Variants in MAGI2 observed in about 807,000 individuals in gnomAD.
MAGI2 encodes the protein membrane-associated guanylate kinase, WW and PDZ domain-containing protein 2.
In MAGI2, 35 loss-of-function variants were observed where a neutral mutation model predicts 133.3. The observed-to-expected ratio is 0.26, with a 90% CI of 0.20 to 0.35. The LOEUF (loss-of-function observed/expected upper bound fraction) is 0.35. Ranked by LOEUF, MAGI2 falls within the 10% of genes least tolerant of loss-of-function variation. The probability of loss-of-function intolerance (pLI) is 1.00; values close to 1 mark genes in which losing one functional copy is unlikely to be tolerated. For synonymous variants in MAGI2, 729 were observed against 710.6 expected (o/e 1.03, Z -0.41); for missense variants, 1,636 against 1,863.4 (o/e 0.88, Z 2.25).
intron 6 of MAGI2, among the ~76,000 whole-genome samples, chr7:78,413,603 G>A (rs1798043260): frequency 6.6e-6 from 1 of 152,020 alleles, no homozygotes; most frequent in South Asian, 2.1e-4. Flanking sequence ...ATTCTACAAG[G>A]GGTTACTGAG....
intron 1 of MAGI2, among the ~76,000 whole-genome samples, chr7:79,440,957 T>C (rs990240606): frequency 3.3e-5 from 5 of 152,204 alleles, no homozygotes; most frequent in East Asian, 1.9e-4. Context: ...GCAACTTTCA[T>C]AGGCAGAAAA....
chr7:78,209,079 G>A lies in MAGI2; in HGVS notation c.2048-7886C>T, dbSNP rs201962664. On this transcript the variant is annotated intron_variant, in intron 10 of 21. Coordinates refer to ENST00000354212, the MANE Select transcript of MAGI2 (RefSeq NM_012301.4). Reference sequence around the variant, plus strand: ...CTACTAAAAATACAAAAAATTAGCCGGGCGTGGTGGCGGGCGCCTGTAGTC... The same window carrying A: ...CTACTAAAAATACAAAAAATTAGCCAGGCGTGGTGGCGGGCGCCTGTAGTC... Among the ~76,000 whole-genome samples, 384 of 136,332 alleles carry A rather than the reference G, an allele frequency of 2.8e-3. 3 individuals are homozygous for A. The highest frequency in any genetic ancestry group is 9.1e-3 in the African/African-American group (349 of 38,280). 89.4% of individuals were successfully genotyped at this position (136,332 alleles called of 152,430 possible). A position where few individuals can be genotyped will look rare whatever the true frequency, so the allele number is the denominator to read the frequency against.
chr7:78,825,150 C>A (rs188880758), intron 2 of MAGI2, among the ~76,000 whole-genome samples: 83 of 152,158 alleles, frequency 5.5e-4, no homozygotes, highest in African/African-American at 1.8e-3. Flanking sequence ...GGCTTAAAAC[C>A]TAGATGACAG....
At chr7:78,100,605 G>A (rs1203591103) in intron 20 of MAGI2, among the ~76,000 whole-genome samples, 2 of 151,820 alleles carry the variant, frequency 1.3e-5, no homozygotes, top group African/African-American at 2.4e-5. Flanking sequence ...TTGTACCTCC[G>A]CCTCCCAAAG....
chr7:78,114,185 A>T (rs979577513), intron 20 of MAGI2, among the ~76,000 whole-genome samples: 4 of 152,370 alleles, frequency 2.6e-5, no homozygotes, highest in African/African-American at 9.6e-5. Context: ...AGTCACTATG[A>T]CAGGTAAGAA....
At chr7:78,183,075 A>G (rs545359306) in intron 13 of MAGI2, among the ~76,000 whole-genome samples, 1 of 152,150 alleles carries the variant, frequency 6.6e-6, no homozygotes, top group Non-Finnish European at 1.5e-5. Flanking sequence ...ATAAATATGT[A>G]TTATTTAGAA....
At chr7:78,224,803 T>C (rs989087367) in intron 10 of MAGI2, among the ~76,000 whole-genome samples, 40 of 151,956 alleles carry the variant, frequency 2.6e-4, no homozygotes, top group Non-Finnish European at 4.9e-4. Flanking sequence ...CAGTCTCCAT[T>C]CCCACCAAGG....
At chr7:78,532,249 A>G (rs557492184) in intron 3 of MAGI2, among the ~76,000 whole-genome samples, 6 of 152,246 alleles carry the variant, frequency 3.9e-5, no homozygotes, top group Non-Finnish European at 8.8e-5. Context: ...CTTTTTCATC[A>G]TATTAGAAAG....
chr7:78,537,686 T>A (rs966712172), intron 3 of MAGI2, among the ~76,000 whole-genome samples: 6 of 152,134 alleles, frequency 3.9e-5, no homozygotes, highest in Admixed American at 2.6e-4. Context: ...TTTGATGGGA[T>A]TATTTGTTTT....
Position 79,375,360 on chromosome 7 carries a change from G to A in MAGI2, c.301+77660C>T, listed in dbSNP as rs542023124. On this transcript the variant is annotated intron_variant, in intron 1 of 21. Coordinates refer to ENST00000354212, the MANE Select transcript of MAGI2 (RefSeq NM_012301.4). ...TGAGCAAGGCATTTCAAATGTGTTT[G>A]TAACTGATAATGCTCCTAACTTCAG... Among the ~76,000 whole-genome samples the A allele has an allele frequency of 3.4e-4, 51 of 152,046 alleles. 1 individual carries two copies. In the South Asian group the frequency reaches 0.01, roughly 31 times the overall value.
At chr7:78,818,903 A>G (rs1231875150) in intron 2 of MAGI2, among the ~76,000 whole-genome samples, 1 of 152,302 alleles carries the variant, frequency 6.6e-6, no homozygotes, top group East Asian at 1.9e-4. Context: ...ATCAATTCTC[A>G]GAACACTACA....
intron 1 of MAGI2, among the ~76,000 whole-genome samples, chr7:79,449,881 T>C (rs886165182): frequency 7.4e-6 from 1 of 135,556 alleles, no homozygotes; most frequent in Non-Finnish European, 1.6e-5. Flanking sequence ...TATATACATA[T>C]ATATATATAT....
At chr7:78,707,227 C>A (rs1163276464) in intron 2 of MAGI2, among the ~76,000 whole-genome samples, 1 of 151,610 alleles carries the variant, frequency 6.6e-6, no homozygotes, top group Non-Finnish European at 1.5e-5. Context: ...CCCATTAGAC[C>A]AAGGGAAGGG....
At chr7:79,225,397 C>CA (rs1830764925) in intron 1 of MAGI2, among the ~76,000 whole-genome samples, 1 of 152,148 alleles carries the variant, frequency 6.6e-6, no homozygotes, top group South Asian at 2.1e-4. Flanking sequence ...TTGATTTAAA[C>CA]TCAAGTCCAT....
intron 3 of MAGI2, among the ~76,000 whole-genome samples, chr7:78,536,259 C>A (rs930090987): frequency 6.7e-6 from 1 of 149,060 alleles, no homozygotes; most frequent in South Asian, 2.2e-4. Context: ...ACTACAGGCG[C>A]CCGCCACTAC....
chr7:78,628,611 T>C (rs1808626292), intron 2 of MAGI2, among the ~76,000 whole-genome samples: 1 of 151,916 alleles, frequency 6.6e-6, no homozygotes. Flanking sequence ...TATTATTTTC[T>C]AAAATCAAGT....
chr7:79,308,119 T>G (rs2129560333), intron 1 of MAGI2, among the ~76,000 whole-genome samples: 1 of 152,338 alleles, frequency 6.6e-6, no homozygotes, highest in Admixed American at 6.5e-5. Context: ...ATTATATTAC[T>G]ATATTTATTG....
chr7:78,262,944 C>T (rs1177246982), intron 9 of MAGI2, among the ~76,000 whole-genome samples: 2 of 152,104 alleles, frequency 1.3e-5, no homozygotes, highest in Admixed American at 1.3e-4. Flanking sequence ...GCATAGTGCC[C>T]AATAGGGAGG....
At chr7:79,187,823 T>C (rs564511426) in intron 1 of MAGI2, among the ~76,000 whole-genome samples, 16 of 152,004 alleles carry the variant, frequency 1.1e-4, no homozygotes, top group South Asian at 8.3e-4. Flanking sequence ...AGAAGGACTG[T>C]TTGGGATTGC....
Sources: allele counts gnomAD v4.1 joint callset (sites outside exome capture counted in the v4.1 genomes callset), GRCh38; gene constraint gnomAD v4.1.1; transcripts MANE v1.5; gene names NCBI Gene and HGNC (gene_info 2026-07-23, HGNC 2026-07-21).